The following DKK2 variants were observed in gnomAD, a reference collection of about 807,000 sequenced individuals.
DKK2 encodes the protein dickkopf Wnt signaling pathway inhibitor 2, also known as dickkopf-related protein 2.
DKK2 carries 11 observed loss-of-function variants against 28.1 expected under a neutral mutation model. The observed-to-expected ratio is 0.39, with a 90% CI of 0.25 to 0.65. The LOEUF is 0.65. Among genes scored for constraint, DKK2 ranks in the 30% least tolerant of loss-of-function variants. The pLI is 0.47. For synonymous variants in DKK2, 135 were observed against 126.5 expected, an observed-to-expected ratio of 1.07 and a Z score of -0.45; for missense variants, 326 against 335.5, an observed-to-expected ratio of 0.97 and a Z score of 0.22.
At position 107,001,851 on chromosome 4, in the gene DKK2, G is replaced by A. The variant is rs62314196; in HGVS notation, c.222+33519C>T. ...ATCTATGCATTAAAGATGATTTCTGGAATAATTAAGAACAATAAACATGTT... is the reference window on the plus strand; with the variant it reads ...ATCTATGCATTAAAGATGATTTCTGAAATAATTAAGAACAATAAACATGTT... On this transcript the variant is annotated intron_variant, in intron 1 of 3. Transcript: ENST00000285311. Among the ~76,000 whole-genome samples the A allele has an allele frequency of 5.4e-3, 826 of 152,206 alleles. 2 individuals are homozygous for A. The highest frequency in any genetic ancestry group is 8.0e-3 in the Non-Finnish European group (542 of 67,990).
At chr4:107,027,060 C>G (rs1272930642) in intron 1 of DKK2, among the ~76,000 whole-genome samples, 1 of 151,878 alleles carries the variant, frequency 6.6e-6, no homozygotes, top group Non-Finnish European at 1.5e-5. Context: ...ACAGAAACAC[C>G]ATAATAGTAA....
chr4:106,974,891 C>A (rs1722920176), intron 1 of DKK2, among the ~76,000 whole-genome samples: 1 of 152,090 alleles, frequency 6.6e-6, no homozygotes, highest in Non-Finnish European at 1.5e-5. Context: ...TCATAAATAG[C>A]TCTTATTATT....
chr4:106,933,944 C>T (rs766040976), intron 1 of DKK2, among the ~76,000 whole-genome samples: 4 of 151,202 alleles, frequency 2.6e-5, no homozygotes, highest in Admixed American at 6.6e-5. Context: ...GAAATGAGGA[C>T]GTAAGTTTCC....
At chr4:106,924,438 T>C in intron 3 of DKK2, 107 bp downstream of exon 3, 1 of 1,398,206 alleles carries the variant, frequency 7.2e-7, no homozygotes, top group Non-Finnish European at 9.7e-7. Flanking sequence ...TAGCTAGGAT[T>C]AAAGAAACTT....
intron 1 of DKK2, among the ~76,000 whole-genome samples, chr4:106,957,749 G>C (rs1414619632): frequency 8.8e-5 from 9 of 102,376 alleles, no homozygotes; most frequent in African/African-American, 3.5e-4. Flanking sequence ...TCTGGGGACT[G>C]TTGTGGGGTG....
At chr4:107,031,039 A>AT (rs1723867656) in intron 1 of DKK2, among the ~76,000 whole-genome samples, 1 of 152,000 alleles carries the variant, frequency 6.6e-6, no homozygotes, top group African/African-American at 2.4e-5. Context: ...AAAATGATGG[A>AT]TGTTCATATT....
At chr4:106,996,004 TTG>T (rs1306577232) in intron 1 of DKK2, among the ~76,000 whole-genome samples, 1 of 152,204 alleles carries the variant, frequency 6.6e-6, no homozygotes, top group Admixed American at 6.5e-5. Flanking sequence ...ATTTGAATAT[TTG>T]TCTCAGACTC....
chr4:107,019,548 G>A (rs1055610459), intron 1 of DKK2, among the ~76,000 whole-genome samples: 1 of 152,018 alleles, frequency 6.6e-6, no homozygotes, highest in Non-Finnish European at 1.5e-5. Flanking sequence ...AAACAAGAAT[G>A]TATTTCTCAA....
At chr4:106,942,348 A>G (rs1402564762) in intron 1 of DKK2, among the ~76,000 whole-genome samples, 2 of 152,168 alleles carry the variant, frequency 1.3e-5, no homozygotes, top group African/African-American at 2.4e-5. Flanking sequence ...AGATAAAAAA[A>G]TGAAATCCTG....
chr4:107,026,204 C>T (rs543609578), intron 1 of DKK2, among the ~76,000 whole-genome samples: 1 of 152,220 alleles, frequency 6.6e-6, no homozygotes, highest in East Asian at 1.9e-4. Flanking sequence ...ATAAAACTAT[C>T]TTTAATGATA....
chr4:107,033,415 C>T (rs1344357770), intron 1 of DKK2, among the ~76,000 whole-genome samples: 1 of 152,076 alleles, frequency 6.6e-6, no homozygotes, highest in Non-Finnish European at 1.5e-5. Flanking sequence ...AGAGGTAGCA[C>T]CACAAAAACA....
chr4:106,978,626 T>C (rs1722978373), intron 1 of DKK2, among the ~76,000 whole-genome samples: 1 of 152,108 alleles, frequency 6.6e-6, no homozygotes, highest in Non-Finnish European at 1.5e-5. Context: ...GACTTCAGAC[T>C]TCTGTCCTGG....
rs958531495 is a variant in DKK2, at chr4:107,036,151, G to A, written c.-560C>T. On this transcript the variant is annotated 5_prime_UTR_variant, in exon 1 of 4. Coordinates refer to ENST00000285311, the MANE Select transcript of DKK2 (RefSeq NM_014421.3). ...GGAGACGTCCCCGGACCGAATCCTC[G>A]AGATCTGAAGAGAATCGAGGTCCCC... 6.5e-6 allele frequency: 1 copy of A among 153,128 alleles called. No homozygotes were observed. The highest frequency in any genetic ancestry group is 2.4e-5 in the African/African-American group (1 of 41,440). The allele number at this position is 153,128 out of a possible 1,614,324, so 9.5% of individuals were successfully genotyped here. A position where few individuals can be genotyped will look rare whatever the true frequency, so the allele number is the denominator to read the frequency against.
Position 106,922,041 on chromosome 4 carries a change from A to G in DKK2, c.*1913T>C, listed in dbSNP as rs1162941327. 2 of 152,752 alleles carry G rather than the reference A, an allele frequency of 1.3e-5. No individual in the cohort carries two copies. Among genetic ancestry groups the G allele is most frequent in the East Asian group, 3.8e-4 (2 of 5,196 alleles). 9.5% of individuals were successfully genotyped at this position (152,752 alleles called of 1,614,324 possible). On this transcript the variant is annotated 3_prime_UTR_variant, in exon 4 of 4. Coordinates refer to ENST00000285311, the MANE Select transcript of DKK2 (RefSeq NM_014421.3). ...AAATTGTAAATATAATAATTGTTAT[A>G]TAGGAAATGTTTGATTGAAATGTTC...
At chr4:106,976,113 T>C (rs1324944190) in intron 1 of DKK2, among the ~76,000 whole-genome samples, 2 of 152,214 alleles carry the variant, frequency 1.3e-5, no homozygotes, top group African/African-American at 4.8e-5. Context: ...GCCTGTTCGT[T>C]ATGATTTCCA....
At chr4:107,017,817 T>TC (rs1723631869) in intron 1 of DKK2, among the ~76,000 whole-genome samples, 2 of 151,948 alleles carry the variant, frequency 1.3e-5, no homozygotes, top group East Asian at 1.9e-4. Flanking sequence ...TGAAAAGTTT[T>TC]ATACATTTGC....
chr4:106,979,073 T>G (rs1722989825), intron 1 of DKK2, among the ~76,000 whole-genome samples: 1 of 139,496 alleles, frequency 7.2e-6, no homozygotes, highest in Non-Finnish European at 1.6e-5. Flanking sequence ...TTGTTTTTGT[T>G]TTTGTTTTTT....
intron 1 of DKK2, among the ~76,000 whole-genome samples, chr4:106,985,043 A>T (rs987603790): frequency 1.3e-5 from 2 of 152,014 alleles, no homozygotes; most frequent in African/African-American, 4.8e-5. Flanking sequence ...CCCCGTCTCT[A>T]CTAAAAATAC....
In DKK2 at chr4:106,931,128, C is replaced by T. The variant is rs547567264; in HGVS notation, c.223-5179G>A. Among the ~76,000 whole-genome samples the T allele has an allele frequency of 1.1e-3, 161 of 152,222 alleles. 1 individual carries two copies. The highest frequency in any genetic ancestry group is 3.7e-3 in the African/African-American group (154 of 41,540). ...TCTGCCAAAGGCTGTGCAATCTCAT[C>T]TTTCACTTTGTCTCCTATTACCTCT... On this transcript the variant is annotated intron_variant, in intron 1 of 3. Transcript: ENST00000285311.
Sources: gnomAD v4.1 joint callset for allele counts (sites outside exome capture counted in the v4.1 genomes callset) on GRCh38, gnomAD v4.1.1 for gene constraint, MANE v1.5 for transcripts, NCBI Gene and HGNC (gene_info 2026-07-23, HGNC 2026-07-21) for gene names.